The following GALNTL6 variants were observed in gnomAD, a reference collection of about 807,000 sequenced individuals.
The protein encoded by GALNTL6 is polypeptide N-acetylgalactosaminyltransferase-like 6.
A neutral mutation model predicts 73.7 loss-of-function variants in GALNTL6; 46 were observed. That is an observed-to-expected ratio of 0.62 (90% confidence interval 0.49 to 0.80). The LOEUF (loss-of-function observed/expected upper bound fraction) is 0.80, where lower values mean the gene tolerates loss of function less well. GALNTL6 is among the 30% of genes least tolerant of loss of function. GALNTL6 has a pLI of 0.00. For missense variants in GALNTL6, 604 were observed against 755.0 expected, an observed-to-expected ratio of 0.80 and a Z score of 2.34; for synonymous variants, 259 against 263.7, an observed-to-expected ratio of 0.98 and a Z score of 0.17.
chr4:172,046,653 G>A (rs1013033898), intron 2 of GALNTL6, among the ~76,000 whole-genome samples: 1 of 151,988 alleles, frequency 6.6e-6, no homozygotes, highest in African/African-American at 2.4e-5. Context: ...TAGATCTGCT[G>A]GCCATTTGGA....
At chr4:171,947,508 A>C (rs1394247243) in intron 2 of GALNTL6, among the ~76,000 whole-genome samples, 1 of 152,186 alleles carries the variant, frequency 6.6e-6, no homozygotes, top group Non-Finnish European at 1.5e-5. Flanking sequence ...TGGGTGAAGG[A>C]CTTGAATGTT....
At chr4:173,007,277 C>A (rs1752343840) in intron 10 of GALNTL6, among the ~76,000 whole-genome samples, 1 of 152,108 alleles carries the variant, frequency 6.6e-6, no homozygotes. Context: ...CTCATCCAGG[C>A]AAAAGAACCT....
At chr4:172,425,599 G>A (rs1030490559) in intron 5 of GALNTL6, among the ~76,000 whole-genome samples, 4 of 151,876 alleles carry the variant, frequency 2.6e-5, no homozygotes, top group Non-Finnish European at 5.9e-5. Context: ...GTCTATCACA[G>A]AATACACCTT....
intron 2 of GALNTL6, among the ~76,000 whole-genome samples, chr4:172,201,207 T>G (rs1013659485): frequency 2.6e-5 from 4 of 151,902 alleles, no homozygotes; most frequent in African/African-American, 9.7e-5. Context: ...TGTTATTGTT[T>G]GTTTTGTTTT....
At chr4:171,884,557 T>C (rs1402906411) in intron 2 of GALNTL6, among the ~76,000 whole-genome samples, 3 of 151,656 alleles carry the variant, frequency 2.0e-5, no homozygotes, top group Non-Finnish European at 2.9e-5. Context: ...ATATATGTAG[T>C]TGTCTGTTGG....
At chr4:172,024,280 G>A (rs1741489456) in intron 2 of GALNTL6, among the ~76,000 whole-genome samples, 1 of 151,590 alleles carries the variant, frequency 6.6e-6, no homozygotes, top group Admixed American at 6.6e-5. Context: ...TTCCTTGAAG[G>A]CAAGAGTCAT....
At chr4:172,241,080 T>G (rs1284893082) in intron 3 of GALNTL6, among the ~76,000 whole-genome samples, 1 of 152,204 alleles carries the variant, frequency 6.6e-6, no homozygotes, top group Non-Finnish European at 1.5e-5. Flanking sequence ...GCTGAATTCT[T>G]GTCCTTGGTT....
intron 2 of GALNTL6, among the ~76,000 whole-genome samples, chr4:172,027,795 G>A (rs1240605500): frequency 6.6e-6 from 1 of 152,122 alleles, no homozygotes; most frequent in East Asian, 1.9e-4. Flanking sequence ...TCCAGTGAGT[G>A]CATGAATACT....
Position 171,991,702 on chromosome 4 carries a change from G to A in GALNTL6, c.138+176984G>A, listed in dbSNP as rs900932529. Among the ~76,000 whole-genome samples, 55 of 140,172 alleles carry A rather than the reference G, an allele frequency of 3.9e-4. 4 individuals carry two copies. Among genetic ancestry groups the A allele is most frequent in the Admixed American group, 3.8e-3 (50 of 13,016 alleles). 92.0% of individuals were successfully genotyped at this position (140,172 alleles called of 152,430 possible). On this transcript the variant is annotated intron_variant, in intron 2 of 12. Coordinates refer to ENST00000506823, the MANE Select transcript of GALNTL6 (RefSeq NM_001034845.3). ...AATCTATAAGTAGACCAGAAGTTGAGTTTGATTATATGTGTGTGTGTGTGT... is the reference window on the plus strand; with the variant it reads ...AATCTATAAGTAGACCAGAAGTTGAATTTGATTATATGTGTGTGTGTGTGT...
chr4:172,888,627 C>T (rs904150454), intron 8 of GALNTL6, among the ~76,000 whole-genome samples: 2 of 152,114 alleles, frequency 1.3e-5, no homozygotes, highest in Admixed American at 6.6e-5. Flanking sequence ...TGTCTGTTTT[C>T]GTACCAGTAC....
chr4:172,561,898 C>T (rs1031141435), intron 5 of GALNTL6, among the ~76,000 whole-genome samples: 3 of 152,116 alleles, frequency 2.0e-5, no homozygotes, highest in African/African-American at 7.2e-5. Context: ...GAAATTGTCT[C>T]AAGTGCCCAA....
intron 2 of GALNTL6, among the ~76,000 whole-genome samples, chr4:172,147,950 C>T (rs1733970589): frequency 6.6e-6 from 1 of 152,044 alleles, no homozygotes; most frequent in African/African-American, 2.4e-5. Flanking sequence ...GGCTGAAGGT[C>T]AAATTTTGAT....
At chr4:172,501,104 G>C (rs1734247070) in intron 5 of GALNTL6, among the ~76,000 whole-genome samples, 1 of 152,162 alleles carries the variant, frequency 6.6e-6, no homozygotes, top group Non-Finnish European at 1.5e-5. Flanking sequence ...CCACAAATGA[G>C]TACATGCATA....
chr4:172,420,887 C>T (rs1731030261), intron 5 of GALNTL6, among the ~76,000 whole-genome samples: 1 of 151,974 alleles, frequency 6.6e-6, no homozygotes, highest in African/African-American at 2.4e-5. Context: ...AGCTGGAAAG[C>T]ATCATCCTCA....
At chr4:173,002,785 A>G (rs1490699771) in intron 10 of GALNTL6, among the ~76,000 whole-genome samples, 1 of 115,892 alleles carries the variant, frequency 8.6e-6, no homozygotes, top group Non-Finnish European at 1.8e-5. Context: ...ACAGAGTGAG[A>G]CTCCGTCTCA....
intron 5 of GALNTL6, among the ~76,000 whole-genome samples, chr4:172,642,155 A>C (rs1181589529): frequency 6.6e-6 from 1 of 152,100 alleles, no homozygotes; most frequent in African/African-American, 2.4e-5. Context: ...ACCATTGTAG[A>C]AAACAGTATG....
In GALNTL6 at chr4:172,348,666, T is replaced by C; in HGVS notation, c.530T>C (p.Leu177Pro). 6.2e-7 allele frequency: 1 copy of C among 1,610,442 alleles called. No individual in the cohort carries two copies. Among genetic ancestry groups the C allele is most frequent in the Non-Finnish European group, 8.5e-7 (1 of 1,177,832 alleles). ...TPGSLIAEIILVDDFSEREHL... is the reference protein window; with the variant it reads ...TPGSLIAEIIPVDDFSEREHL... ...GGGAGTCTGATAGCAGAAATCATTC[T>C]AGTAGATGACTTCAGTGAGAGAGGT... The change falls in exon 5 of 13, where the codon CTA becomes CCA. Residue 177 changes from leucine to proline, a missense_variant. Physicochemically the swap from Leu to Pro is moderately conservative, Grantham distance 98. Coordinates refer to ENST00000506823, the MANE Select transcript of GALNTL6 (RefSeq NM_001034845.3).
At chr4:172,952,593 G>C (rs1749513166) in intron 10 of GALNTL6, among the ~76,000 whole-genome samples, 1 of 151,184 alleles carries the variant, frequency 6.6e-6, no homozygotes, top group Admixed American at 6.6e-5. Flanking sequence ...TTGGCTCACT[G>C]CAACCTCCAC....
chr4:172,611,864 G>A (rs373914750), intron 5 of GALNTL6, among the ~76,000 whole-genome samples: 21 of 152,158 alleles, frequency 1.4e-4, no homozygotes, highest in East Asian at 1.2e-3. Context: ...GCAGACAATT[G>A]TAGTTCATAT....
Sources: gnomAD v4.1 joint callset for allele counts (sites outside exome capture counted in the v4.1 genomes callset) on GRCh38, gnomAD v4.1.1 for gene constraint, MANE v1.5 for transcripts, NCBI Gene and HGNC (gene_info 2026-07-23, HGNC 2026-07-21) for gene names.